SH3KBP1: variants seen among roughly 807,000 people sequenced by gnomAD.
SH3KBP1 encodes the protein SH3 domain-containing kinase-binding protein 1.
SH3KBP1 carries 8 observed loss-of-function variants against 50.1 expected under a neutral mutation model. The observed-to-expected ratio is 0.16, with a 90% CI of 0.09 to 0.29. SH3KBP1 has a LOEUF of 0.29. Among genes scored for constraint, SH3KBP1 ranks in the 10% least tolerant of loss-of-function variants. SH3KBP1 has a pLI of 1.00. For missense variants in SH3KBP1, 377 were observed against 535.2 expected (o/e 0.70, Z 2.92); for synonymous variants, 227 against 218.6 (o/e 1.04, Z -0.34).
At chrX:19,614,649 G>A (rs971775765) in intron 8 of SH3KBP1, among the ~76,000 whole-genome samples, 1 of 111,874 alleles carries the variant, frequency 8.9e-6, no homozygotes, top group Non-Finnish European at 1.9e-5. Context: ...CTGAGAATCA[G>A]TGATTTAAGA....
At chrX:19,718,498 T>A (rs952396261) in intron 3 of SH3KBP1, among the ~76,000 whole-genome samples, 4 of 111,826 alleles carry the variant, frequency 3.6e-5, no homozygotes, top group African/African-American at 1.3e-4. Context: ...GGGTAGAAAC[T>A]CATTTAAATG....
chrX:19,793,436 C>A (rs1022199701), intron 2 of SH3KBP1, among the ~76,000 whole-genome samples: 2 of 110,170 alleles, frequency 1.8e-5, no homozygotes, highest in Admixed American at 9.7e-5. Context: ...AGCCGTGAAG[C>A]CTCAGGCAGG....
intron 1 of SH3KBP1, among the ~76,000 whole-genome samples, chrX:19,873,858 G>A: frequency 9.5e-6 from 1 of 105,225 alleles, no homozygotes; most frequent in Non-Finnish European, 1.9e-5. Context: ...AGACCAGCCT[G>A]GATAACACAA....
chrX:19,863,392 T>C (rs1225666983), intron 1 of SH3KBP1, among the ~76,000 whole-genome samples: 1 of 111,535 alleles, frequency 9.0e-6, no homozygotes, highest in African/African-American at 3.3e-5. Context: ...GCCTGCTTAC[T>C]AACAAGTGTC....
At chrX:19,782,394 A>G (rs185575597) in intron 2 of SH3KBP1, among the ~76,000 whole-genome samples, 9 of 111,705 alleles carry the variant, frequency 8.1e-5, no homozygotes, top group Admixed American at 7.6e-4. Context: ...TAAGCCACCC[A>G]GTTTGTGGTC....
chrX:19,683,811 T>A lies in SH3KBP1; in HGVS notation c.726+12A>T. The A allele has an allele frequency of 8.3e-7, 1 of 1,198,192 alleles. No individual in the cohort carries two copies. Among genetic ancestry groups the A allele is most frequent in the Non-Finnish European group, 1.1e-6 (1 of 882,854 alleles). On this transcript the variant is annotated intron_variant, in intron 6 of 17. Transcript: ENST00000397821. Reference sequence around the variant, plus strand: ...CATTAAGTTGAAATCAAATAGAAACTGTCGAACATACCTTTTCTACCGGCA... The same window carrying A: ...CATTAAGTTGAAATCAAATAGAAACAGTCGAACATACCTTTTCTACCGGCA...
At chrX:19,616,912 C>T (rs2067632950) in intron 8 of SH3KBP1, among the ~76,000 whole-genome samples, 1 of 111,422 alleles carries the variant, frequency 9.0e-6, no homozygotes, top group Non-Finnish European at 1.9e-5. Context: ...AGCTCACAGC[C>T]CCTCCAAGTT....
At chrX:19,621,137 C>T (rs1270083730) in intron 8 of SH3KBP1, among the ~76,000 whole-genome samples, 5 of 96,614 alleles carry the variant, frequency 5.2e-5, no homozygotes, top group African/African-American at 1.9e-4. Flanking sequence ...TGCAGTGGCG[C>T]GATCTTGGCT....
At chrX:19,605,560 G>T (rs1602636461) in intron 9 of SH3KBP1, among the ~76,000 whole-genome samples, 2 of 111,391 alleles carry the variant, frequency 1.8e-5, no homozygotes, top group Admixed American at 1.9e-4. Flanking sequence ...TAGGGGAGAA[G>T]CGGGGTATGG....
At chrX:19,538,372 T>A (rs2064780854) in intron 16 of SH3KBP1, among the ~76,000 whole-genome samples, 1 of 109,214 alleles carries the variant, frequency 9.2e-6, no homozygotes, top group Non-Finnish European at 1.9e-5. Context: ...GCCAGGCCAA[T>A]TTTTAAAATT....
chrX:19,873,300 A>ACATATATACATATATATG (rs2069120573), intron 1 of SH3KBP1, among the ~76,000 whole-genome samples: 1 of 101,407 alleles, frequency 9.9e-6, no homozygotes, highest in African/African-American at 3.6e-5. Context: ...GTATATATAT[A>ACATATATACATATATATG]TATATATATA....
At chrX:19,863,199 TCTC>T (rs1195732373) in intron 1 of SH3KBP1, among the ~76,000 whole-genome samples, 6 of 110,561 alleles carry the variant, frequency 5.4e-5, no homozygotes, top group Non-Finnish European at 9.5e-5. Context: ...TGCAGTGTGC[TCTC>T]TTTTTTTTTT....
chrX:19,643,301 TTTTTTATTTTTTTTTTTTTTA>T (rs1252850801), intron 7 of SH3KBP1, among the ~76,000 whole-genome samples: 2 of 82,091 alleles, frequency 2.4e-5, no homozygotes, highest in African/African-American at 1.3e-4. Flanking sequence ...AACTGAAGAA[TTTTTTATTTTTTTTTTTTTTA>T]TTTTTTTTTT....
At chrX:19,819,752 G>A (rs1249528588) in intron 2 of SH3KBP1, among the ~76,000 whole-genome samples, 1 of 110,594 alleles carries the variant, frequency 9.0e-6, no homozygotes, top group Non-Finnish European at 1.9e-5. Context: ...TCCTTCTTCT[G>A]GTTGTTTTCG....
chrX:19,749,411 C>T (rs779450360), intron 2 of SH3KBP1, among the ~76,000 whole-genome samples: 1 of 112,620 alleles, frequency 8.9e-6, no homozygotes, highest in South Asian at 3.6e-4. Context: ...GGAAATAACC[C>T]AAGTGTCCAT....
chrX:19,693,631 C>T (rs182766005), intron 5 of SH3KBP1, among the ~76,000 whole-genome samples: 1 of 111,534 alleles, frequency 9.0e-6, no homozygotes, highest in Non-Finnish European at 1.9e-5. Context: ...GAAAATGCCC[C>T]TTCTGAGCAG....
At chrX:19,711,866 C>T (rs1477914881) in intron 3 of SH3KBP1, among the ~76,000 whole-genome samples, 1 of 111,436 alleles carries the variant, frequency 9.0e-6, no homozygotes, top group African/African-American at 3.3e-5. Context: ...GGCCTGGGGA[C>T]CACCTGCACC....
chrX:19,670,983 C>T (rs1306133966), intron 6 of SH3KBP1: 1 of 1,089,497 alleles, frequency 9.2e-7, no homozygotes, highest in Non-Finnish European at 1.2e-6. Flanking sequence ...AACCCTGAGT[C>T]ATACTTGGGA....
At chrX:19,786,706 C>G (rs1490544987) in intron 2 of SH3KBP1, among the ~76,000 whole-genome samples, 1 of 112,193 alleles carries the variant, frequency 8.9e-6, no homozygotes, top group Non-Finnish European at 1.9e-5. Context: ...CAGTCTACCA[C>G]TACCACACAT....
Sources: allele counts gnomAD v4.1 joint callset (sites outside exome capture counted in the v4.1 genomes callset), GRCh38; gene constraint gnomAD v4.1.1; transcripts MANE v1.5; gene names NCBI Gene and HGNC (gene_info 2026-07-23, HGNC 2026-07-21).